The following ZNF525 variants were observed in gnomAD, a reference collection of about 807,000 sequenced individuals.
ZNF525 encodes zinc finger protein 525.
ZNF525 carries 33 observed loss-of-function variants against 37.6 expected under a neutral mutation model. The ratio of observed to expected loss-of-function variants is 0.88; its 90% confidence interval spans 0.67 to 1.17. The LOEUF (loss-of-function observed/expected upper bound fraction) is 1.17, where lower values mean the gene tolerates loss of function less well. Among genes scored for constraint, ZNF525 ranks in the 50% most tolerant of loss-of-function variants. The pLI is 0.00. For synonymous variants in ZNF525, 170 were observed against 182.3 expected, an observed-to-expected ratio of 0.93 and a Z score of 0.54; for missense variants, 449 against 543.1, an observed-to-expected ratio of 0.83 and a Z score of 1.72.
chr19:53,367,978 T>C (rs1252030990), intron 1 of ZNF525, among the ~76,000 whole-genome samples: 1 of 152,228 alleles, frequency 6.6e-6, no homozygotes, highest in Non-Finnish European at 1.5e-5. Context: ...GAATTAGTCT[T>C]TCAGGGGGCC....
Position 53,383,680 on chromosome 19 carries a change from T to A in ZNF525, c.*1661T>A. 1.4e-6 allele frequency: 1 copy of A among 722,318 alleles called. No individual in the cohort carries two copies. The highest frequency in any genetic ancestry group is 2.3e-6 in the Non-Finnish European group (1 of 437,342). 44.7% of individuals were successfully genotyped at this position (722,318 alleles called of 1,614,324 possible). A position where few individuals can be genotyped will look rare whatever the true frequency, so the allele number is the denominator to read the frequency against. On this transcript the variant is annotated 3_prime_UTR_variant, in exon 4 of 4. Coordinates refer to ENST00000474037, the MANE Select transcript of ZNF525 (RefSeq NM_001348156.2). ...GTAATGATTCTCACAACGTCTTCAG[T>A]AATGCTACAACCATTGTAAATCACT...
intron 1 of ZNF525, among the ~76,000 whole-genome samples, chr19:53,366,964 T>C (rs1032810117): frequency 4.6e-5 from 7 of 152,024 alleles, no homozygotes; most frequent in African/African-American, 1.7e-4. Flanking sequence ...GCTGAGCATT[T>C]CAACAAACAC....
intron 1 of ZNF525, among the ~76,000 whole-genome samples, chr19:53,365,977 A>G (rs2085440076): frequency 1.3e-5 from 2 of 152,038 alleles, no homozygotes; most frequent in African/African-American, 2.4e-5. Context: ...CTATAGGGCA[A>G]TATATACACT....
At position 53,382,284 on chromosome 19, in the gene ZNF525, C is replaced by A; in HGVS notation, c.*265C>A. 7.0e-7 allele frequency: 1 copy of A among 1,437,600 alleles called. No homozygotes were observed. The highest frequency in any genetic ancestry group is 9.8e-7 in the Non-Finnish European group (1 of 1,020,428). The allele number at this position is 1,437,600 out of a possible 1,614,324, so 89.1% of individuals were successfully genotyped here. Reference sequence around the variant, plus strand: ...CAGTCATACATCATCCCTTACATGCCATCATAGACTTCATACTGGAGAGAA... The same window carrying A: ...CAGTCATACATCATCCCTTACATGCAATCATAGACTTCATACTGGAGAGAA... On this transcript the variant is annotated 3_prime_UTR_variant, in exon 4 of 4. Coordinates refer to ENST00000474037, the MANE Select transcript of ZNF525 (RefSeq NM_001348156.2).
intron 3 of ZNF525, among the ~76,000 whole-genome samples, chr19:53,377,328 C>T (rs913489463): frequency 6.6e-6 from 1 of 152,056 alleles, no homozygotes; most frequent in Admixed American, 6.5e-5. Flanking sequence ...TAGGCATATG[C>T]CACCATGCCT....
In ZNF525 at chr19:53,383,492, GT is replaced by G; in HGVS notation, c.*1478del. 1 of 1,131,712 alleles carries G rather than the reference GT, an allele frequency of 8.8e-7. No homozygotes were observed. Among genetic ancestry groups the G allele is most frequent in the Non-Finnish European group, 1.3e-6 (1 of 786,172 alleles). 70.1% of individuals were successfully genotyped at this position (1,131,712 alleles called of 1,614,324 possible). On this transcript the variant is annotated 3_prime_UTR_variant, in exon 4 of 4. Transcript: ENST00000474037. ...GGAGAGAAACCATAAAAATGTAAGA[GT>G]TTTTGACAAGGCTTTCGGACGTGAT...
intron 2 of ZNF525, among the ~76,000 whole-genome samples, chr19:53,375,088 T>C (rs2085512228): frequency 6.6e-6 from 1 of 151,834 alleles, no homozygotes; most frequent in South Asian, 2.1e-4. Flanking sequence ...GCTGGATTGG[T>C]GCAATTTTGG....
intron 1 of ZNF525, among the ~76,000 whole-genome samples, chr19:53,370,776 A>G (rs1299563078): frequency 1.3e-5 from 2 of 152,290 alleles, no homozygotes; most frequent in Non-Finnish European, 2.9e-5. Context: ...CTGTATGAGG[A>G]CATCACAGCC....
chr19:53,372,668 T>C (rs539420937), intron 2 of ZNF525, among the ~76,000 whole-genome samples: 41 of 152,336 alleles, frequency 2.7e-4, no homozygotes, highest in African/African-American at 9.9e-4. Context: ...CACGCACTAA[T>C]GTGCACAAAG....
At chr19:53,366,846 C>T (rs1439476700) in intron 1 of ZNF525, among the ~76,000 whole-genome samples, 7 of 151,098 alleles carry the variant, frequency 4.6e-5, no homozygotes, top group Non-Finnish European at 1.5e-5. Flanking sequence ...GCAGAGGAGG[C>T]GCAGAGATGG....
chr19:53,378,484 A>G (rs568214726), intron 3 of ZNF525, among the ~76,000 whole-genome samples: 1 of 152,316 alleles, frequency 6.6e-6, no homozygotes, highest in South Asian at 2.1e-4. Flanking sequence ...AGGCAGGAGA[A>G]TCGTGCCACT....
intron 1 of ZNF525, among the ~76,000 whole-genome samples, chr19:53,366,737 A>C (rs1210077824): frequency 2.2e-4 from 33 of 150,010 alleles, no homozygotes; most frequent in African/African-American, 7.5e-4. Flanking sequence ...GGCAAAGAGA[A>C]CAGAGGGAGA....
Position 53,385,080 on chromosome 19 carries a change from G to T in ZNF525, c.*3061G>T. The T allele has an allele frequency of 1.6e-6, 1 of 612,806 alleles. No individual in the cohort carries two copies. The highest frequency in any genetic ancestry group is 1.9e-5 in the African/African-American group (1 of 52,956). 38.0% of individuals were successfully genotyped at this position (612,806 alleles called of 1,614,324 possible). On this transcript the variant is annotated 3_prime_UTR_variant, in exon 4 of 4. Transcript: ENST00000474037. ...TTCTAGTGGTATATAACATTGATTT[G>T]CTTGAATATGTTGAACCATCCTTGC...
intron 1 of ZNF525, among the ~76,000 whole-genome samples, chr19:53,366,791 T>C (rs1232998875): frequency 2.4e-5 from 3 of 122,494 alleles, no homozygotes; most frequent in African/African-American, 9.6e-5. Context: ...TGCCAGAGAG[T>C]GGGGACAGGG....
In ZNF525 at chr19:53,383,090, G is replaced by A; in HGVS notation, c.*1071G>A. On this transcript the variant is annotated 3_prime_UTR_variant, in exon 4 of 4. Coordinates refer to ENST00000474037, the MANE Select transcript of ZNF525 (RefSeq NM_001348156.2). ...TTGCAAGTGTAATAAATGTGGCGAG[G>A]TTTTTAATCAACAAGCACACCTTGC... 1 of 1,380,864 alleles carries A rather than the reference G, an allele frequency of 7.2e-7. No homozygotes were observed. Among genetic ancestry groups the A allele is most frequent in the East Asian group, 2.5e-5 (1 of 39,886 alleles). 85.5% of individuals were successfully genotyped at this position (1,380,864 alleles called of 1,614,324 possible).
At chr19:53,371,639 T>G (rs2085488815) in intron 1 of ZNF525, among the ~76,000 whole-genome samples, 2 of 152,090 alleles carry the variant, frequency 1.3e-5, no homozygotes. Flanking sequence ...AGAGTGCTAG[T>G]ATTACAGGCG....
intron 1 of ZNF525, among the ~76,000 whole-genome samples, chr19:53,371,163 G>A (rs889657401): frequency 4.8e-5 from 7 of 147,078 alleles, no homozygotes; most frequent in Non-Finnish European, 8.9e-5. Flanking sequence ...CATGACTCAG[G>A]TTTTATTATC....
At chr19:53,373,578 G>A (rs2147067287) in intron 2 of ZNF525, among the ~76,000 whole-genome samples, 1 of 152,240 alleles carries the variant, frequency 6.6e-6, no homozygotes, top group African/African-American at 2.4e-5. Flanking sequence ...TCAGTTCGGT[G>A]TCAGGTGTCA....
At position 53,382,978 on chromosome 19, in the gene ZNF525, A is replaced by C. The variant is rs1163178863; in HGVS notation, c.*959A>C. Reference sequence around the variant, plus strand: ...ATAAGGCAATTCATACTGGAGAGAAACCTTACAAGTGTAATGAATGTGGCA... The same window carrying C: ...ATAAGGCAATTCATACTGGAGAGAACCCTTACAAGTGTAATGAATGTGGCA... On this transcript the variant is annotated 3_prime_UTR_variant, in exon 4 of 4. Coordinates refer to ENST00000474037, the MANE Select transcript of ZNF525 (RefSeq NM_001348156.2). The C allele has an allele frequency of 6.6e-7, 1 of 1,521,016 alleles. No individual in the cohort carries two copies. Among genetic ancestry groups the C allele is most frequent in the African/African-American group, 1.4e-5 (1 of 72,842 alleles). The allele number at this position is 1,521,016 out of a possible 1,614,324, so 94.2% of individuals were successfully genotyped here. A position where few individuals can be genotyped will look rare whatever the true frequency, so the allele number is the denominator to read the frequency against.
Sources: gnomAD v4.1 joint callset for allele counts (sites outside exome capture counted in the v4.1 genomes callset) on GRCh38, gnomAD v4.1.1 for gene constraint, MANE v1.5 for transcripts, NCBI Gene and HGNC (gene_info 2026-07-23, HGNC 2026-07-21) for gene names.